CACHD1: variants seen among roughly 807,000 people sequenced by gnomAD.
CACHD1 encodes the protein VWFA and cache domain-containing protein 1.
Under a neutral mutation model 138.7 loss-of-function variants are expected in CACHD1, and 71 were observed. The observed-to-expected ratio is 0.51, with a 90% CI of 0.42 to 0.62. The LOEUF (loss-of-function observed/expected upper bound fraction) is 0.62, where lower values mean the gene tolerates loss of function less well. Among genes scored for constraint, CACHD1 ranks in the 20% least tolerant of loss-of-function variants. The pLI, the probability that CACHD1 is intolerant of heterozygous loss-of-function variation, is 0.00. For missense variants in CACHD1, 1,389 were observed against 1,625.3 expected (o/e 0.85, Z 2.50); for synonymous variants, 578 against 591.5 (o/e 0.98, Z 0.33).
chr1:64,613,727 A>G (rs983149739), intron 4 of CACHD1, among the ~76,000 whole-genome samples: 2 of 151,872 alleles, frequency 1.3e-5, no homozygotes, highest in African/African-American at 4.8e-5. Context: ...CTGGGGCTCC[A>G]TTTTCTTTAT....
intron 1 of CACHD1, among the ~76,000 whole-genome samples, chr1:64,541,693 G>C (rs531969928): frequency 6.6e-6 from 1 of 152,110 alleles, no homozygotes; most frequent in African/African-American, 2.4e-5. Flanking sequence ...TTAGCTAGGC[G>C]TGCTGGTACG....
At chr1:64,583,461 A>G (rs563725625) in intron 3 of CACHD1, among the ~76,000 whole-genome samples, 13 of 152,246 alleles carry the variant, frequency 8.5e-5, no homozygotes, top group Non-Finnish European at 1.9e-4. Context: ...AATGAGAACA[A>G]TAACTAATAC....
At chr1:64,519,975 A>G (rs1394502023) in intron 1 of CACHD1, among the ~76,000 whole-genome samples, 7 of 152,220 alleles carry the variant, frequency 4.6e-5, no homozygotes, top group African/African-American at 1.7e-4. Context: ...TAACAGCCGT[A>G]TATCAGCCAG....
intron 26 of CACHD1, among the ~76,000 whole-genome samples, chr1:64,687,402 A>G (rs1926301): frequency 0.37 from 56,087 of 152,076 alleles, 12,254 homozygotes; most frequent in East Asian, 0.74. Flanking sequence ...GTTACAGAGG[A>G]GTTGAGCAAT....
intron 26 of CACHD1, among the ~76,000 whole-genome samples, chr1:64,683,575 G>A (rs914698367): frequency 7.9e-5 from 12 of 152,144 alleles, no homozygotes; most frequent in Non-Finnish European, 1.8e-4. Flanking sequence ...TCAGTAAAAT[G>A]GCATATGAAG....
At chr1:64,642,009 C>G in intron 8 of CACHD1, 40 bp downstream of exon 8, 3 of 1,494,268 alleles carry the variant, frequency 2.0e-6, no homozygotes, top group Non-Finnish European at 2.7e-6. Flanking sequence ...GATCAAAGAT[C>G]CCTCTAAGTG....
chr1:64,588,726 C>A (rs1027605452), intron 3 of CACHD1, among the ~76,000 whole-genome samples: 2 of 152,130 alleles, frequency 1.3e-5, no homozygotes, highest in African/African-American at 2.4e-5. Context: ...TTATCTATTT[C>A]TTTCCCCAAT....
chr1:64,536,205 C>T (rs1646631554), intron 1 of CACHD1, among the ~76,000 whole-genome samples: 1 of 152,140 alleles, frequency 6.6e-6, no homozygotes, highest in Non-Finnish European at 1.5e-5. Flanking sequence ...CCTCCCCAAA[C>T]ATAGATTTAT....
chr1:64,639,277 AT>A (rs1206662346), intron 7 of CACHD1, among the ~76,000 whole-genome samples: 1 of 152,122 alleles, frequency 6.6e-6, no homozygotes, highest in Non-Finnish European at 1.5e-5. Context: ...GACTCAAGCA[AT>A]TTTTGTTTTT....
intron 16 of CACHD1, 72 bp from the exon 17 acceptor site, chr1:64,671,492 C>T: frequency 6.6e-7 from 1 of 1,525,572 alleles, no homozygotes; most frequent in Non-Finnish European, 9.1e-7. Context: ...AACAATGTCC[C>T]TGTGACTGAA....
chr1:64,644,615 A>C (rs1449301592), intron 8 of CACHD1, among the ~76,000 whole-genome samples: 1 of 152,176 alleles, frequency 6.6e-6, no homozygotes, highest in Non-Finnish European at 1.5e-5. Flanking sequence ...CCATCTCAGC[A>C]TCTTTTTCTC....
At chr1:64,577,151 G>A (rs1646975119) in intron 2 of CACHD1, among the ~76,000 whole-genome samples, 1 of 151,990 alleles carries the variant, frequency 6.6e-6, no homozygotes, top group South Asian at 2.1e-4. Context: ...CCGCTATGTT[G>A]CCCAGACTGG....
chr1:64,628,112 T>A (rs916195262), intron 4 of CACHD1, among the ~76,000 whole-genome samples: 2 of 152,232 alleles, frequency 1.3e-5, no homozygotes, highest in African/African-American at 4.8e-5. Context: ...TGAAAGCTCT[T>A]TGTCTACAGT....
At chr1:64,639,233 C>T (rs1648620611) in intron 7 of CACHD1, among the ~76,000 whole-genome samples, 1 of 152,162 alleles carries the variant, frequency 6.6e-6, no homozygotes, top group South Asian at 2.1e-4. Flanking sequence ...CCTCCTCATG[C>T]TGTATCTATG....
intron 1 of CACHD1, among the ~76,000 whole-genome samples, chr1:64,481,338 A>G (rs1020432510): frequency 6.6e-6 from 1 of 151,912 alleles, no homozygotes; most frequent in South Asian, 2.1e-4. Context: ...TGCATGGAGT[A>G]TTTTTAAAGA....
chr1:64,482,253 T>G (rs1481520015), intron 1 of CACHD1, among the ~76,000 whole-genome samples: 2 of 152,210 alleles, frequency 1.3e-5, no homozygotes. Flanking sequence ...ATGGGATTTT[T>G]TTTTTCCCCA....
chr1:64,605,382 CAG>C (rs1312848442), intron 4 of CACHD1, among the ~76,000 whole-genome samples: 1 of 152,054 alleles, frequency 6.6e-6, no homozygotes, highest in African/African-American at 2.4e-5. Context: ...AATGATGAAA[CAG>C]TGGGATATTT....
chr1:64,612,067 G>A (rs563651861), intron 4 of CACHD1, among the ~76,000 whole-genome samples: 42 of 152,112 alleles, frequency 2.8e-4, no homozygotes, highest in Non-Finnish European at 5.1e-4. Context: ...ATCAGATTTA[G>A]TGAGAACTCA....
At chr1:64,634,893 G>A (rs1648459078) in intron 7 of CACHD1, among the ~76,000 whole-genome samples, 1 of 151,118 alleles carries the variant, frequency 6.6e-6, no homozygotes, top group Non-Finnish European at 1.5e-5. Context: ...CTCCTCGGGA[G>A]GCTGAGGCAG....
Sources: gnomAD v4.1 joint callset for allele counts (sites outside exome capture counted in the v4.1 genomes callset) on GRCh38, gnomAD v4.1.1 for gene constraint, MANE v1.5 for transcripts, NCBI Gene and HGNC (gene_info 2026-07-23, HGNC 2026-07-21) for gene names.